The following PRICKLE2 variants were observed in gnomAD, a reference collection of about 807,000 sequenced individuals.
PRICKLE2 encodes the protein prickle planar cell polarity protein 2.
PRICKLE2 carries 21 observed loss-of-function variants against 81.4 expected under a neutral mutation model. The ratio of observed to expected loss-of-function variants is 0.26; its 90% confidence interval spans 0.18 to 0.37. The LOEUF (loss-of-function observed/expected upper bound fraction) is 0.37. Among genes scored for constraint, PRICKLE2 ranks in the 10% least tolerant of loss-of-function variants. The pLI is 1.00. For missense variants in PRICKLE2, 940 were observed against 1,109.0 expected, an observed-to-expected ratio of 0.85 and a Z score of 2.16; for synonymous variants, 456 against 421.5, an observed-to-expected ratio of 1.08 and a Z score of -1.00.
chr3:64,122,248 C>A (rs1280722477), intron 7 of PRICKLE2, among the ~76,000 whole-genome samples: 2 of 152,046 alleles, frequency 1.3e-5, no homozygotes, highest in Admixed American at 1.3e-4. Flanking sequence ...ATTTGTCTAC[C>A]TCATCATCTG....
chr3:64,109,244 A>T (rs1426578543), intron 7 of PRICKLE2, among the ~76,000 whole-genome samples: 1 of 152,024 alleles, frequency 6.6e-6, no homozygotes, highest in Non-Finnish European at 1.5e-5. Flanking sequence ...GGGAACTCTA[A>T]AAGTTATTTT....
chr3:64,205,371 C>G (rs1599731), intron 1 of PRICKLE2, among the ~76,000 whole-genome samples: 2 of 152,180 alleles, frequency 1.3e-5, no homozygotes, highest in African/African-American at 4.8e-5. Flanking sequence ...GAGACCCTCT[C>G]TTTAACTATC....
At chr3:64,177,266 G>A (rs1403389383) in intron 2 of PRICKLE2, among the ~76,000 whole-genome samples, 1 of 149,530 alleles carries the variant, frequency 6.7e-6, no homozygotes, top group Non-Finnish European at 1.5e-5. Flanking sequence ...CTCCCGAGTA[G>A]CTGGGATTAC....
chr3:64,124,031 T>C (rs1220375442), intron 7 of PRICKLE2, among the ~76,000 whole-genome samples: 1 of 152,164 alleles, frequency 6.6e-6, no homozygotes, highest in African/African-American at 2.4e-5. Flanking sequence ...CTTGCACCAG[T>C]TAGCCAAATT....
chr3:64,202,303 G>C (rs1313929845), intron 1 of PRICKLE2, among the ~76,000 whole-genome samples: 2 of 152,102 alleles, frequency 1.3e-5, no homozygotes, highest in Non-Finnish European at 2.9e-5. Context: ...CTAGAGTTTT[G>C]ATAGAGATAC....
intron 2 of PRICKLE2, among the ~76,000 whole-genome samples, chr3:64,261,888 G>C (rs59157841): frequency 0.2 from 30,062 of 152,068 alleles, 3,300 homozygotes; most frequent in Non-Finnish European, 0.23. Context: ...ACAGGGTCAT[G>C]TTATGATGTG....
intron 7 of PRICKLE2, among the ~76,000 whole-genome samples, chr3:64,120,144 A>T (rs769453344): frequency 1.3e-5 from 2 of 152,176 alleles, no homozygotes; most frequent in Non-Finnish European, 2.9e-5. Context: ...ATCATACCCC[A>T]AACCTCAGCA....
At chr3:64,247,439 A>T (rs932926884) in intron 2 of PRICKLE2, among the ~76,000 whole-genome samples, 3 of 152,192 alleles carry the variant, frequency 2.0e-5, no homozygotes, top group African/African-American at 7.2e-5. Context: ...AATGACTATT[A>T]TTCTCAGGGG....
intron 2 of PRICKLE2, among the ~76,000 whole-genome samples, chr3:64,180,602 T>A (rs1208544705): frequency 2.0e-5 from 3 of 152,118 alleles, no homozygotes; most frequent in Non-Finnish European, 4.4e-5. Context: ...GCACTATCTC[T>A]GCTCACTGCA....
At position 64,095,366 on chromosome 3, in the gene PRICKLE2, G is replaced by C. The variant is rs1284213393; in HGVS notation, c.*3685C>G. The C allele has an allele frequency of 6.6e-6, 1 of 152,196 alleles. No homozygotes were observed. The highest frequency in any genetic ancestry group is 1.5e-5 in the Non-Finnish European group (1 of 68,032). 9.4% of individuals were successfully genotyped at this position (152,196 alleles called of 1,614,324 possible). Reference sequence around the variant, plus strand: ...TTTTGTTCTACGGCAAGAGAACCAAGAGTGGAAAGACAGATATGAATCAGT... The same window carrying C: ...TTTTGTTCTACGGCAAGAGAACCAACAGTGGAAAGACAGATATGAATCAGT... On this transcript the variant is annotated 3_prime_UTR_variant, in exon 8 of 8. Transcript: ENST00000638394.
intron 1 of PRICKLE2, among the ~76,000 whole-genome samples, chr3:64,210,450 C>T (rs1274734460): frequency 7.2e-5 from 11 of 152,148 alleles, no homozygotes; most frequent in South Asian, 2.1e-4. Context: ...GAGACTGTGA[C>T]GGGGCCAGCT....
chr3:64,206,243 T>C (rs1305409491), intron 1 of PRICKLE2, among the ~76,000 whole-genome samples: 1 of 152,146 alleles, frequency 6.6e-6, no homozygotes, highest in Non-Finnish European at 1.5e-5. Context: ...TGCCTGGTGA[T>C]TGTGATGCAG....
intron 2 of PRICKLE2, among the ~76,000 whole-genome samples, chr3:64,178,981 TTC>T (rs1172716780): frequency 2.3e-5 from 3 of 131,610 alleles, no homozygotes; most frequent in African/African-American, 6.0e-5. Context: ...CTTTCTTTCT[TTC>T]TTTCTTTCTT....
chr3:64,220,434 G>A (rs2078933868), intron 1 of PRICKLE2, among the ~76,000 whole-genome samples: 1 of 152,186 alleles, frequency 6.6e-6, no homozygotes, highest in Non-Finnish European at 1.5e-5. Flanking sequence ...CAGGCTGGGT[G>A]CTGGGTTGGA....
intron 1 of PRICKLE2, chr3:64,200,358 T>C (rs967877481): frequency 3.9e-5 from 6 of 152,258 alleles, no homozygotes; most frequent in East Asian, 1.9e-4. Flanking sequence ...CACATTTTCA[T>C]TGATCAGTTG....
chr3:64,127,999 A>C (rs575581812), intron 7 of PRICKLE2, among the ~76,000 whole-genome samples: 8 of 152,240 alleles, frequency 5.3e-5, no homozygotes, highest in Middle Eastern at 3.4e-3. Flanking sequence ...TCAAGCAACC[A>C]GAGGATTTCC....
chr3:64,197,381 T>C (rs946955456), intron 2 of PRICKLE2, among the ~76,000 whole-genome samples: 11 of 152,202 alleles, frequency 7.2e-5, no homozygotes, highest in African/African-American at 2.7e-4. Flanking sequence ...CCACCAACAA[T>C]GTATAAGCGT....
At chr3:64,239,978 A>T (rs943817372) in intron 2 of PRICKLE2, among the ~76,000 whole-genome samples, 3 of 151,138 alleles carry the variant, frequency 2.0e-5, no homozygotes, top group African/African-American at 7.3e-5. Flanking sequence ...AAAAAAAAAA[A>T]AAATTAGCCC....
intron 7 of PRICKLE2, among the ~76,000 whole-genome samples, chr3:64,117,452 C>T (rs1424859581): frequency 1.3e-5 from 2 of 152,136 alleles, no homozygotes; most frequent in East Asian, 3.9e-4. Context: ...CTAAAACATC[C>T]CACAGTCCCA....
Sources: gnomAD v4.1 joint callset for allele counts (sites outside exome capture counted in the v4.1 genomes callset) on GRCh38, gnomAD v4.1.1 for gene constraint, MANE v1.5 for transcripts, NCBI Gene and HGNC (gene_info 2026-07-23, HGNC 2026-07-21) for gene names.